MAP7: variants seen among roughly 807,000 people sequenced by gnomAD.
MAP7 encodes the protein ensconsin.
MAP7 carries 52 observed loss-of-function variants against 94.8 expected under a neutral mutation model. The observed-to-expected ratio is 0.55, with a 90% CI of 0.44 to 0.69. The LOEUF is 0.69. Ranked by LOEUF, MAP7 falls within the 30% of genes least tolerant of loss-of-function variation. The probability of loss-of-function intolerance (pLI) is 0.00; values close to 1 mark genes in which losing one functional copy is unlikely to be tolerated. For missense variants in MAP7, 940 were observed against 964.6 expected, an observed-to-expected ratio of 0.97 and a Z score of 0.34; for synonymous variants, 350 against 357.0, an observed-to-expected ratio of 0.98 and a Z score of 0.22.
At chr6:136,403,665 T>A (rs1376740034) in intron 3 of MAP7, among the ~76,000 whole-genome samples, 1 of 152,244 alleles carries the variant, frequency 6.6e-6, no homozygotes, top group African/African-American at 2.4e-5. Context: ...TTTCAGGTTT[T>A]AAGATTTTTT....
chr6:136,419,088 T>C (rs1023155060), intron 2 of MAP7, among the ~76,000 whole-genome samples: 2 of 152,212 alleles, frequency 1.3e-5, no homozygotes, highest in Non-Finnish European at 2.9e-5. Flanking sequence ...GGAAGAGATT[T>C]TTCTGGCTTC....
chr6:136,425,256 C>A (rs554615796), intron 1 of MAP7, among the ~76,000 whole-genome samples: 1 of 152,134 alleles, frequency 6.6e-6, no homozygotes, highest in Non-Finnish European at 1.5e-5. Flanking sequence ...TACAACTGAC[C>A]GTAACTGAAA....
At chr6:136,398,142 C>CA (rs1783038950) in intron 3 of MAP7, among the ~76,000 whole-genome samples, 1 of 152,088 alleles carries the variant, frequency 6.6e-6, no homozygotes, top group South Asian at 2.1e-4. Context: ...TGATGCTGTA[C>CA]AAAAAGGAAT....
intron 1 of MAP7, among the ~76,000 whole-genome samples, chr6:136,520,215 A>AG (rs1562483599): frequency 2.7e-4 from 40 of 150,470 alleles, no homozygotes; most frequent in East Asian, 9.8e-4. Context: ...AAAAAAAAAA[A>AG]AGGGGGGAGG....
chr6:136,394,723 C>A (rs924915850), intron 3 of MAP7, among the ~76,000 whole-genome samples: 1 of 151,032 alleles, frequency 6.6e-6, no homozygotes, highest in Non-Finnish European at 1.5e-5. Flanking sequence ...AACCTCCCCC[C>A]CACCTTTCTG....
intron 3 of MAP7, 132 bp from the exon 4 acceptor site, chr6:136,389,649 G>T: frequency 1.3e-6 from 1 of 742,246 alleles, no homozygotes; most frequent in Non-Finnish European, 2.2e-6. Context: ...TATTAACCAA[G>T]CATGGCCTTT....
intron 4 of MAP7, among the ~76,000 whole-genome samples, 181 bp downstream of exon 4, chr6:136,389,170 AATC>A (rs1779984967): frequency 6.6e-6 from 1 of 152,284 alleles, no homozygotes; most frequent in East Asian, 1.9e-4. Flanking sequence ...TGGCAATAAT[AATC>A]ATCAGCCCAT....
chr6:136,448,508 G>A lies in MAP7; in HGVS notation c.68-26709C>T, dbSNP rs561649566. On this transcript the variant is annotated intron_variant, in intron 1 of 17. Transcript: ENST00000354570. ...CAGCTCACTGCAACCTCCACCTCCC[G>A]GGTTCAAGTGATTCTCCTGCCTCAG... Among the ~76,000 whole-genome samples, 6 of 151,596 alleles carry A rather than the reference G, an allele frequency of 4.0e-5. No homozygotes were observed. In the East Asian group the frequency reaches 5.9e-4, roughly 15 times the overall value.
intron 4 of MAP7, 144 bp downstream of exon 4, chr6:136,389,210 C>T (rs1484613110): frequency 1.5e-6 from 2 of 1,339,142 alleles, no homozygotes; most frequent in Non-Finnish European, 9.8e-7. Flanking sequence ...CCTGAACTCC[C>T]TAGAAACTGT....
At chr6:136,360,982 G>A (rs1792526582) in intron 12 of MAP7, 23 bp downstream of exon 12, 2 of 1,557,122 alleles carry the variant, frequency 1.3e-6, no homozygotes, top group Admixed American at 1.9e-5. Context: ...TGGGGCCGGG[G>A]CCAGGGTGGG....
At chr6:136,496,801 A>T (rs1003744109) in intron 1 of MAP7, among the ~76,000 whole-genome samples, 1 of 150,588 alleles carries the variant, frequency 6.6e-6, no homozygotes, top group East Asian at 1.9e-4. Context: ...AAAAAAAAAA[A>T]AAATTAGCTA....
chr6:136,420,913 A>G (rs1463234709), intron 2 of MAP7, among the ~76,000 whole-genome samples: 1 of 152,160 alleles, frequency 6.6e-6, no homozygotes, highest in Non-Finnish European at 1.5e-5. Flanking sequence ...TCACTGTGTC[A>G]CTGTGCTTGA....
At chr6:136,457,024 G>GT (rs71009504) in intron 1 of MAP7, among the ~76,000 whole-genome samples, 105,502 of 144,512 alleles carry the variant, frequency 0.73, 39,834 homozygotes, top group Middle Eastern at 0.84. Context: ...ATGAAACAAA[G>GT]TTTTTTTTTT....
intron 2 of MAP7, among the ~76,000 whole-genome samples, chr6:136,415,628 TG>T (rs1191309549): frequency 1.2e-4 from 19 of 152,214 alleles, no homozygotes; most frequent in African/African-American, 4.6e-4. Flanking sequence ...TGAAAATAGT[TG>T]AAGAAGTGCT....
intron 1 of MAP7, among the ~76,000 whole-genome samples, chr6:136,464,038 C>T (rs531626501): frequency 1.2e-4 from 18 of 152,198 alleles, no homozygotes; most frequent in Non-Finnish European, 2.5e-4. Context: ...CTGAGCAGAA[C>T]GTTGGCCTCA....
chr6:136,547,112 A>G (rs1829797568), intron 1 of MAP7, among the ~76,000 whole-genome samples: 1 of 152,168 alleles, frequency 6.6e-6, no homozygotes, highest in Non-Finnish European at 1.5e-5. Context: ...TTTAATGTGG[A>G]CCCTTAGAGT....
At chr6:136,366,535 T>A in intron 8 of MAP7, 96 bp from the exon 9 acceptor site, 1 of 850,736 alleles carries the variant, frequency 1.2e-6, no homozygotes, top group Non-Finnish European at 1.9e-6. Context: ...TTGAATGACT[T>A]TTAAGAAATT....
At chr6:136,497,102 T>G (rs1818489090) in intron 1 of MAP7, among the ~76,000 whole-genome samples, 1 of 152,120 alleles carries the variant, frequency 6.6e-6, no homozygotes, top group Non-Finnish European at 1.5e-5. Flanking sequence ...TCTCTCTTGC[T>G]GTATGAGGAC....
In MAP7 at chr6:136,480,641, C is replaced by CAAAA. The variant is rs769951186; in HGVS notation, c.68-58846_68-58843dup. Among the ~76,000 whole-genome samples the CAAAA allele has an allele frequency of 2.4e-3, 49 of 20,140 alleles. 4 individuals are homozygous for CAAAA. The highest frequency in any genetic ancestry group is 3.2e-3 in the African/African-American group (14 of 4,380). The allele number at this position is 20,140 out of a possible 152,430, so 13.2% of individuals were successfully genotyped here. On this transcript the variant is annotated intron_variant, in intron 1 of 17. Transcript: ENST00000354570. The stretch of plus-strand genomic sequence containing the variant: ...TGGGTGACAGAGTGAGACTCTGCCT[C>CAAAA]AAAAAAAAAAAAAAAAAAAAAAAAA...
Sources: allele counts gnomAD v4.1 joint callset (sites outside exome capture counted in the v4.1 genomes callset), GRCh38; gene constraint gnomAD v4.1.1; transcripts MANE v1.5; gene names NCBI Gene and HGNC (gene_info 2026-07-23, HGNC 2026-07-21).